Variants in GRIN3A observed in about 807,000 individuals in gnomAD.
The protein encoded by GRIN3A is glutamate ionotropic receptor NMDA type subunit 3A, also known as glutamate receptor ionotropic, NMDA 3A.
In GRIN3A, 47 loss-of-function variants were observed where a neutral mutation model predicts 92.4. That is an observed-to-expected ratio of 0.51 (90% CI 0.40 to 0.65). The LOEUF (loss-of-function observed/expected upper bound fraction) is 0.65, where lower values mean the gene tolerates loss of function less well. Among genes scored for constraint, GRIN3A ranks in the 30% least tolerant of loss-of-function variants. The probability of loss-of-function intolerance (pLI) is 0.00; values close to 1 mark genes in which losing one functional copy is unlikely to be tolerated. For synonymous variants in GRIN3A, 527 were observed against 540.6 expected, an observed-to-expected ratio of 0.97 and a Z score of 0.35; for missense variants, 1,324 against 1,393.1, an observed-to-expected ratio of 0.95 and a Z score of 0.79.
intron 5 of GRIN3A, among the ~76,000 whole-genome samples, chr9:101,620,989 G>A (rs187887058): frequency 6.6e-6 from 1 of 152,090 alleles, no homozygotes; most frequent in Non-Finnish European, 1.5e-5. Flanking sequence ...TTATTAAAAT[G>A]TGAGCTTTAT....
chr9:101,583,571 A>G (rs1300198489), intron 6 of GRIN3A, among the ~76,000 whole-genome samples: 2 of 152,156 alleles, frequency 1.3e-5, no homozygotes, highest in African/African-American at 4.8e-5. Flanking sequence ...TGAATATTCA[A>G]TATCAAATAT....
chr9:101,650,451 A>G (rs1332829966), intron 3 of GRIN3A, among the ~76,000 whole-genome samples: 1 of 151,982 alleles, frequency 6.6e-6, no homozygotes, highest in African/African-American at 2.4e-5. Flanking sequence ...ACATGCCCGA[A>G]TGAGTGTGTT....
In GRIN3A at chr9:101,571,102, A is replaced by T. The variant is rs16920487; in HGVS notation, c.*2072T>A. 0.061 allele frequency: 9,229 copies of T among 152,312 alleles called. 369 individuals are homozygous for T. Among genetic ancestry groups the T allele is most frequent in the Admixed American group, 0.096 (1,475 of 15,286 alleles). 9.4% of individuals were successfully genotyped at this position (152,312 alleles called of 1,614,324 possible). On this transcript the variant is annotated 3_prime_UTR_variant, in exon 9 of 9. Coordinates refer to ENST00000361820, the MANE Select transcript of GRIN3A (RefSeq NM_133445.3). ...AATCTTCCAAAGGCAGTTGCAACCT[A>T]CTTCTGGGCCTGGGGTGAGAACGTG...
chr9:101,709,857 C>T (rs1019527808), intron 1 of GRIN3A, among the ~76,000 whole-genome samples: 1 of 152,154 alleles, frequency 6.6e-6, no homozygotes, highest in Non-Finnish European at 1.5e-5. Flanking sequence ...CTCTACACTG[C>T]ATTTATTCCT....
intron 1 of GRIN3A, among the ~76,000 whole-genome samples, chr9:101,689,444 A>C (rs1829584723): frequency 6.6e-6 from 1 of 152,160 alleles, no homozygotes; most frequent in Non-Finnish European, 1.5e-5. Context: ...AAACAAATCC[A>C]ATAGGCATGA....
At chr9:101,679,403 T>C (rs1829440019) in intron 2 of GRIN3A, among the ~76,000 whole-genome samples, 1 of 152,212 alleles carries the variant, frequency 6.6e-6, no homozygotes, top group Non-Finnish European at 1.5e-5. Context: ...ATTTGAGCTG[T>C]ATTCATCAAA....
intron 2 of GRIN3A, among the ~76,000 whole-genome samples, chr9:101,672,456 A>G (rs889101291): frequency 2.6e-5 from 4 of 152,180 alleles, no homozygotes; most frequent in Non-Finnish European, 5.9e-5. Flanking sequence ...GTTACTCAAG[A>G]CACATTTCAA....
intron 3 of GRIN3A, among the ~76,000 whole-genome samples, chr9:101,646,989 T>C (rs1828946787): frequency 6.6e-6 from 1 of 151,950 alleles, no homozygotes; most frequent in South Asian, 2.1e-4. Context: ...TTTTTATTTC[T>C]TTCTCTTGCT....
intron 2 of GRIN3A, among the ~76,000 whole-genome samples, chr9:101,680,697 A>G (rs1829456540): frequency 6.6e-6 from 1 of 152,206 alleles, no homozygotes; most frequent in Non-Finnish European, 1.5e-5. Context: ...GTGGAAGAAC[A>G]GAAGGGGGTT....
chr9:101,677,335 C>T (rs1829411225), intron 2 of GRIN3A, among the ~76,000 whole-genome samples: 1 of 151,868 alleles, frequency 6.6e-6, no homozygotes, highest in Non-Finnish European at 1.5e-5. Flanking sequence ...CTCATTGTTT[C>T]TTTAATACTC....
At chr9:101,708,996 C>G (rs184299815) in intron 1 of GRIN3A, among the ~76,000 whole-genome samples, 1 of 152,166 alleles carries the variant, frequency 6.6e-6, no homozygotes, top group African/African-American at 2.4e-5. Context: ...GATAGTAACA[C>G]ACAGGCAATT....
At chr9:101,651,418 T>C (rs1282069097) in intron 3 of GRIN3A, among the ~76,000 whole-genome samples, 1 of 152,026 alleles carries the variant, frequency 6.6e-6, no homozygotes, top group Non-Finnish European at 1.5e-5. Flanking sequence ...AGGCTACTTT[T>C]GTTAAAGAGT....
Position 101,579,364 on chromosome 9 carries a change from T to A in GRIN3A, c.2767-4A>T. The A allele has an allele frequency of 6.2e-7, 1 of 1,613,798 alleles. No homozygotes were observed. Among genetic ancestry groups the A allele is most frequent in the Non-Finnish European group, 8.5e-7 (1 of 1,179,822 alleles). On this transcript the variant is annotated splice_region_variant and splice_polypyrimidine_tract_variant and intron_variant, in intron 6 of 8. Transcript: ENST00000361820. Reference sequence around the variant, plus strand: ...GTTTGATGCCCATTTGCAAAGTCTGTGACAGAATAGGAAAGAAAAGGCCAT... The same window carrying A: ...GTTTGATGCCCATTTGCAAAGTCTGAGACAGAATAGGAAAGAAAAGGCCAT...
intron 3 of GRIN3A, among the ~76,000 whole-genome samples, chr9:101,659,836 C>G (rs776767325): frequency 1.3e-5 from 2 of 151,804 alleles, no homozygotes; most frequent in African/African-American, 2.4e-5. Context: ...GAAAGTAATA[C>G]AACTGCAGTT....
chr9:101,602,455 A>G (rs556038277), intron 6 of GRIN3A, among the ~76,000 whole-genome samples: 16 of 152,286 alleles, frequency 1.1e-4, no homozygotes, highest in African/African-American at 3.6e-4. Context: ...GAGGAGTCCC[A>G]TTTCCTGTGA....
chr9:101,696,995 T>A (rs995775027), intron 1 of GRIN3A, among the ~76,000 whole-genome samples: 1 of 152,166 alleles, frequency 6.6e-6, no homozygotes, highest in Non-Finnish European at 1.5e-5. Context: ...AATATGCCTT[T>A]TATATATATT....
At chr9:101,615,116 T>A (rs1242122898) in intron 5 of GRIN3A, among the ~76,000 whole-genome samples, 1 of 151,726 alleles carries the variant, frequency 6.6e-6, no homozygotes, top group Non-Finnish European at 1.5e-5. Context: ...AAAATGTTAC[T>A]ATACTGTTAA....
intron 5 of GRIN3A, among the ~76,000 whole-genome samples, chr9:101,620,263 T>C (rs1197103552): frequency 6.6e-6 from 1 of 152,204 alleles, no homozygotes; most frequent in East Asian, 1.9e-4. Flanking sequence ...GGTTCATAGA[T>C]GGTGCCATGT....
intron 3 of GRIN3A, 93 bp from the exon 4 acceptor site, chr9:101,628,494 A>T: frequency 7.5e-7 from 1 of 1,334,016 alleles, no homozygotes; most frequent in Non-Finnish European, 1.0e-6. Flanking sequence ...CTTAATAATA[A>T]TTCGGAACTT....
Sources: gnomAD v4.1 joint callset for allele counts (sites outside exome capture counted in the v4.1 genomes callset) on GRCh38, gnomAD v4.1.1 for gene constraint, MANE v1.5 for transcripts, NCBI Gene and HGNC (gene_info 2026-07-23, HGNC 2026-07-21) for gene names.